SYNE2: variants seen among roughly 807,000 people sequenced by gnomAD.
The protein encoded by SYNE2 is nesprin-2.
In SYNE2, 431 loss-of-function variants were observed where a neutral mutation model predicts 856.3. That is an observed-to-expected ratio of 0.50 (90% CI 0.47 to 0.55). The LOEUF (loss-of-function observed/expected upper bound fraction) is 0.55, where lower values mean the gene tolerates loss of function less well. Among genes scored for constraint, SYNE2 ranks in the 20% least tolerant of loss-of-function variants. The pLI is 0.00. For synonymous variants in SYNE2, 2,923 were observed against 2,872.3 expected, an observed-to-expected ratio of 1.02 and a Z score of -0.56; for missense variants, 8,129 against 8,023.2, an observed-to-expected ratio of 1.01 and a Z score of -0.50.
chr14:63,845,807 CTCA>C (rs1890208954), intron 1 of SYNE2, among the ~76,000 whole-genome samples: 1 of 137,652 alleles, frequency 7.3e-6, no homozygotes, highest in African/African-American at 2.7e-5. Context: ...GTGGTTTGAT[CTCA>C]ACTCACTGCA....
intron 8 of SYNE2, among the ~76,000 whole-genome samples, chr14:63,959,191 A>G (rs1185506180): frequency 6.9e-6 from 1 of 145,518 alleles, no homozygotes. Context: ...AGGTTTTGGT[A>G]AGAGTTGAAT....
At position 63,997,307 on chromosome 14, in the gene SYNE2, C is replaced by T. The variant is rs912620703; in HGVS notation, c.3159C>T (p.Thr1053=). The stretch of plus-strand genomic sequence containing the variant: ...AATTTTGATTCCTTTCTAGGGGGAC[C>T]ATCACCACATCTGAGAATAGAGGAG... ...TAGGTSKNEG[T]ITTSENRGGD... is the part of the protein sequence containing the mutation. The change falls in exon 25 of 116, where the codon ACC becomes ACT. Residue 1053 remains threonine (T), a synonymous_variant. Coordinates refer to ENST00000555002, the MANE Select transcript of SYNE2 (RefSeq NM_182914.3). 1 of 1,613,024 alleles carries T rather than the reference C, an allele frequency of 6.2e-7. No individual in the cohort carries two copies. Among genetic ancestry groups the T allele is most frequent in the South Asian group, 1.1e-5 (1 of 90,788 alleles).
chr14:64,008,402 C>T (rs1594824645), intron 31 of SYNE2, among the ~76,000 whole-genome samples: 1 of 152,182 alleles, frequency 6.6e-6, no homozygotes, highest in Non-Finnish European at 1.5e-5. Context: ...TTACCACACG[C>T]CCCTACCTGA....
intron 34 of SYNE2, among the ~76,000 whole-genome samples, chr14:64,018,725 C>T (rs1426243267): frequency 6.6e-6 from 1 of 152,152 alleles, no homozygotes; most frequent in African/African-American, 2.4e-5. Flanking sequence ...AGCTCTCCGG[C>T]TATAGTTAAC....
At chr14:63,882,918 C>G (rs1012743203) in intron 1 of SYNE2, among the ~76,000 whole-genome samples, 2 of 151,432 alleles carry the variant, frequency 1.3e-5, no homozygotes, top group African/African-American at 4.9e-5. Context: ...TGGTTATTAT[C>G]CATGTCAGAG....
intron 84 of SYNE2, among the ~76,000 whole-genome samples, chr14:64,150,041 T>G (rs1246561379): frequency 2.3e-5 from 3 of 128,640 alleles, no homozygotes; most frequent in African/African-American, 8.8e-5. Flanking sequence ...ATACAGGGTC[T>G]CACTCTGTCA....
intron 9 of SYNE2, among the ~76,000 whole-genome samples, chr14:63,963,378 T>G (rs1222815312): frequency 6.6e-6 from 1 of 152,244 alleles, no homozygotes; most frequent in Non-Finnish European, 1.5e-5. Context: ...CTTTGTCCTA[T>G]AGTAGTAAAA....
At position 64,214,392 on chromosome 14, in the gene SYNE2, T is replaced by C; in HGVS notation, c.19255T>C (p.Trp6419Arg). ...CAGCGTGGACTCCATCCCCCTGGAG[T>C]GGGACCACACAGGCGACGTGGGGGG... ...PVSVDSIPLE[W>R]DHTGDVGGSS... Residue 6419 changes from tryptophan to arginine, a missense_variant, in exon 106 of 116, where the codon TGG becomes CGG. Coordinates refer to ENST00000555002, the MANE Select transcript of SYNE2 (RefSeq NM_182914.3). The C allele has an allele frequency of 6.2e-7, 1 of 1,613,884 alleles. No homozygotes were observed. The highest frequency in any genetic ancestry group is 1.1e-5 in the South Asian group (1 of 91,056).
chr14:63,833,771 T>C (rs575784643), intron 1 of SYNE2, among the ~76,000 whole-genome samples: 1 of 152,354 alleles, frequency 6.6e-6, no homozygotes, highest in South Asian at 2.1e-4. Context: ...TCATGCTAAC[T>C]GTGCGATTAT....
chr14:64,141,947 A>G lies in SYNE2; in HGVS notation c.15165A>G (p.Gln5055=), dbSNP rs145021738. Residue 5055 remains glutamine, a synonymous_variant, in exon 82 of 116, where the codon CAA becomes CAG. Transcript: ENST00000555002. ...PDIQEKLHQL[Q]MEKLPSRKAI... is the part of the protein sequence containing the mutation. ...AAATCATTTTGTTCTTACAGCTTCA[A>G]ATGGAGAAATTGCCGTCTCGTAAAG... 41 of 1,613,996 alleles carry G rather than the reference A, an allele frequency of 2.5e-5. No homozygotes were observed. The African/African-American group carries it at 5.1e-4, about 20-fold the overall frequency.
chr14:64,101,884 C>G, intron 63 of SYNE2, 48 bp from the exon 64 acceptor site: 1 of 1,409,596 alleles, frequency 7.1e-7, no homozygotes, highest in South Asian at 1.2e-5. Flanking sequence ...CCGGTTATGA[C>G]AGTAAGGGAA....
intron 6 of SYNE2, among the ~76,000 whole-genome samples, chr14:63,942,403 C>G (rs1315593290): frequency 1.3e-5 from 2 of 152,222 alleles, no homozygotes; most frequent in Non-Finnish European, 2.9e-5. Flanking sequence ...ACAGTAACCT[C>G]CACTTCCTGA....
At position 64,077,297 on chromosome 14, in the gene SYNE2, G is replaced by A. The variant is rs115046114; in HGVS notation, c.11023-1169G>A. Among the ~76,000 whole-genome samples, 1,033 of 152,206 alleles carry A rather than the reference G, an allele frequency of 6.8e-3. 18 individuals carry two copies. The highest frequency in any genetic ancestry group is 0.024 in the African/African-American group (1,006 of 41,544). ...TCAATGGTATACATTTCTGCCAGGA[G>A]AATAAGTGCTCAAAATATCAGAAAA... On this transcript the variant is annotated intron_variant, in intron 54 of 115. Transcript: ENST00000555002.
intron 8 of SYNE2, among the ~76,000 whole-genome samples, chr14:63,958,501 A>G (rs985537912): frequency 9.2e-5 from 14 of 152,184 alleles, no homozygotes; most frequent in African/African-American, 3.1e-4. Flanking sequence ...TCAGCAGTAG[A>G]ATGTCATTCT....
At chr14:63,999,106 T>C in intron 27 of SYNE2, 66 bp downstream of exon 27, 1 of 1,490,012 alleles carries the variant, frequency 6.7e-7, no homozygotes, top group Non-Finnish European at 9.3e-7. Flanking sequence ...ACTGTGAGTC[T>C]GGACATCCCC....
intron 82 of SYNE2, 102 bp downstream of exon 82, chr14:64,142,190 C>T (rs1381945488): frequency 7.2e-7 from 1 of 1,392,396 alleles, no homozygotes; most frequent in Non-Finnish European, 1.0e-6. Context: ...TTTCAAAAAA[C>T]TAATTCTAGG....
Position 64,064,871 on chromosome 14 carries a change from T to A in SYNE2, c.10213-561T>A, listed in dbSNP as rs1370018770. Among the ~76,000 whole-genome samples, 167 of 103,674 alleles carry A rather than the reference T, an allele frequency of 1.6e-3. 2 individuals are homozygous for A. The highest frequency in any genetic ancestry group is 1.5e-3 in the South Asian group (5 of 3,366). 68.0% of individuals were successfully genotyped at this position (103,674 alleles called of 152,430 possible). On this transcript the variant is annotated intron_variant, in intron 50 of 115. Transcript: ENST00000555002. ...TTATAGACTTTTTTTTTTTTTTTTT[T>A]ATACGGAGTCTCACTCTGTTGCCCA...
chr14:64,214,430 C>G lies in SYNE2; in HGVS notation c.19293C>G (p.His6431Gln), dbSNP rs149178992. ...HTGDVGGSSS[H>Q]EEDEEGPYYS... Reference sequence around the variant, plus strand: ...GCGACGTGGGGGGCTCCTCCTCTCACGAAGAGGACGAGGAGGGCCCATACT... The same window carrying G: ...GCGACGTGGGGGGCTCCTCCTCTCAGGAAGAGGACGAGGAGGGCCCATACT... The change falls in exon 106 of 116, where the codon CAC becomes CAG. Residue 6431 changes from histidine to glutamine, a missense_variant. By Grantham distance (24) the His-to-Gln change is conservative (BLOSUM62 0). Around this residue, in one of 3 missense-constraint regions of SYNE2, gnomAD observed 5,410 missense variants for 5,284.8 expected, o/e 1.02. Coordinates refer to ENST00000555002, the MANE Select transcript of SYNE2 (RefSeq NM_182914.3). 1 of 1,613,912 alleles carries G rather than the reference C, an allele frequency of 6.2e-7. No homozygotes were observed. The highest frequency in any genetic ancestry group is 1.3e-5 in the African/African-American group (1 of 75,016).
intron 2 of SYNE2, among the ~76,000 whole-genome samples, chr14:63,939,382 TTGTCACCCAGGCTGGAGTGCAG>T: frequency 6.8e-6 from 1 of 147,462 alleles, no homozygotes; most frequent in Non-Finnish European, 1.5e-5. Flanking sequence ...AAGTCTCGCA[TTGTCACCCAGGCTGGAGTGCAG>T]TGTCACAATC....
Sources: gnomAD v4.1 joint callset for allele counts (sites outside exome capture counted in the v4.1 genomes callset) on GRCh38, gnomAD v4.1.1 for gene constraint, gnomAD v4.1.1 regional missense constraint, MANE v1.5 for transcripts, NCBI Gene and HGNC (gene_info 2026-07-23, HGNC 2026-07-21) for gene names.